The following SIX6 variants were observed in gnomAD, a reference collection of about 807,000 sequenced individuals.
SIX6 encodes SIX homeobox 6, also known as homeobox protein SIX6.
Under a neutral mutation model 23.6 loss-of-function variants are expected in SIX6, and 14 were observed. That is an observed-to-expected ratio of 0.59 (90% confidence interval 0.39 to 0.93). SIX6 has a LOEUF of 0.93. Among genes scored for constraint, SIX6 ranks in the 40% least tolerant of loss-of-function variants. The pLI, the probability that SIX6 is intolerant of heterozygous loss-of-function variation, is 0.00. For missense variants in SIX6, 307 were observed against 325.6 expected (o/e 0.94, Z 0.44); for synonymous variants, 128 against 144.9 (o/e 0.88, Z 0.84).
intron 1 of SIX6, among the ~76,000 whole-genome samples, chr14:60,510,204 G>C (rs573200821): frequency 1.3e-5 from 2 of 152,196 alleles, no homozygotes; most frequent in East Asian, 3.9e-4. Context: ...AGCTGGTCCC[G>C]GTCACCAAAC....
At position 60,511,132 on chromosome 14, in the gene SIX6, G is replaced by A. The variant is rs140916124; in HGVS notation, c.621G>A (p.Ala207=). The change falls in exon 2 of 2, where the codon GCG becomes GCA. Residue 207 remains alanine, a synonymous_variant. Coordinates refer to ENST00000327720, the MANE Select transcript of SIX6 (RefSeq NM_007374.3). The part of the protein sequence containing the change: ...LSQGSGRALR[A]EGDGTPEVLG... ...AGGGTTCCGGGCGGGCACTACGGGCGGAGGGCGACGGCACGCCAGAGGTGC... is the reference window on the plus strand; with the variant it reads ...AGGGTTCCGGGCGGGCACTACGGGCAGAGGGCGACGGCACGCCAGAGGTGC... 19 of 1,612,882 alleles carry A rather than the reference G, an allele frequency of 1.2e-5. No homozygotes were observed. The highest frequency in any genetic ancestry group is 1.4e-5 in the Non-Finnish European group (17 of 1,179,878).
At position 60,511,102 on chromosome 14, in the gene SIX6, G is replaced by C; in HGVS notation, c.591G>C (p.Leu197=). The C allele has an allele frequency of 1.9e-6, 3 of 1,612,862 alleles. No individual in the cohort carries two copies. The South Asian group carries it at 3.3e-5, about 18-fold the overall frequency. ...CCCGTAGACTCCAGCAGCAGGTCCT[G>C]TCACAGGGTTCCGGGCGGGCACTAC... ...AAKNRLQQQV[L]SQGSGRALRA... is the part of the protein sequence containing the mutation. The change falls in exon 2 of 2, where the codon CTG becomes CTC. Residue 197 remains leucine (L), a synonymous_variant. Transcript: ENST00000327720.
At chr14:60,510,940 C>T in intron 1 of SIX6, 144 bp from the exon 2 acceptor site, 1 of 839,588 alleles carries the variant, frequency 1.2e-6, no homozygotes, top group Non-Finnish European at 1.9e-6. Flanking sequence ...CCTCTGTCGC[C>T]TTGCCGAGTA....
In SIX6 at chr14:60,511,348, C is replaced by G. The variant is rs912462443; in HGVS notation, c.*96C>G. ...GAAGATGAGAGACCTGCAAATCCAG[C>G]GCCACAGAAGCCAGGTGACCAGGGA... On this transcript the variant is annotated 3_prime_UTR_variant, in exon 2 of 2. Coordinates refer to ENST00000327720, the MANE Select transcript of SIX6 (RefSeq NM_007374.3). 8.4e-6 allele frequency: 12 copies of G among 1,430,204 alleles called. No individual in the cohort carries two copies. In the Admixed American group the frequency reaches 1.9e-4, roughly 23 times the overall value. The allele number at this position is 1,430,204 out of a possible 1,614,324, so 88.6% of individuals were successfully genotyped here.
In SIX6 at chr14:60,509,169, C is replaced by G. The variant is rs1324165544; in HGVS notation, c.-230C>G. 3 of 566,290 alleles carry G rather than the reference C, an allele frequency of 5.3e-6. No homozygotes were observed. Among genetic ancestry groups the G allele is most frequent in the East Asian group, 6.2e-5 (2 of 32,402 alleles). The allele number at this position is 566,290 out of a possible 1,614,324, so 35.1% of individuals were successfully genotyped here. A position where few individuals can be genotyped will look rare whatever the true frequency, so the allele number is the denominator to read the frequency against. On this transcript the variant is annotated 5_prime_UTR_variant, in exon 1 of 2. Coordinates refer to ENST00000327720, the MANE Select transcript of SIX6 (RefSeq NM_007374.3). ...CCAATAGCGGAGCCAGCTCGCCTGCCGGCGTGCCTGAGCCGAGCCGAGCCC... is the reference window on the plus strand; with the variant it reads ...CCAATAGCGGAGCCAGCTCGCCTGCGGGCGTGCCTGAGCCGAGCCGAGCCC...
At position 60,511,545 on chromosome 14, in the gene SIX6, C is replaced by G; in HGVS notation, c.*293C>G. ...TGCAAAGTCTCCTTCGGAACCCGAA[C>G]TGCAAGCTGAGCGCCTGCCCAGATT... On this transcript the variant is annotated 3_prime_UTR_variant, in exon 2 of 2. Coordinates refer to ENST00000327720, the MANE Select transcript of SIX6 (RefSeq NM_007374.3). 5.4e-6 allele frequency: 3 copies of G among 551,276 alleles called. No individual in the cohort carries two copies. Among genetic ancestry groups the G allele is most frequent in the South Asian group, 2.1e-5 (1 of 48,718 alleles). 34.1% of individuals were successfully genotyped at this position (551,276 alleles called of 1,614,324 possible). A position where few individuals can be genotyped will look rare whatever the true frequency, so the allele number is the denominator to read the frequency against.
chr14:60,509,611 T>C lies in SIX6; in HGVS notation c.213T>C (p.Tyr71=), dbSNP rs1417829882. The C allele has an allele frequency of 6.2e-7, 1 of 1,613,640 alleles. No homozygotes were observed. The highest frequency in any genetic ancestry group is 1.7e-5 in the Admixed American group (1 of 60,028). The part of the protein sequence containing the change: ...AFHGGNYREL[Y]HILENHKFTK... The stretch of plus-strand genomic sequence containing the variant: ...ACGGTGGCAACTACCGCGAGCTCTA[T>C]CATATCCTGGAAAACCACAAGTTCA... The change falls in exon 1 of 2, where the codon TAT becomes TAC. Residue 71 remains tyrosine, a synonymous_variant. Transcript: ENST00000327720.
At chr14:60,510,962 A>G (rs1409175620) in intron 1 of SIX6, 122 bp from the exon 2 acceptor site, 1 of 1,013,158 alleles carries the variant, frequency 9.9e-7, no homozygotes, top group Non-Finnish European at 1.5e-6. Flanking sequence ...TCCTCGCCTT[A>G]ACTGCTGGGG....
chr14:60,511,437 T>C lies in SIX6; in HGVS notation c.*185T>C. Reference sequence around the variant, plus strand: ...GGCCGGCCTGGCTTCACTGGCGCCCTTTGGCCGCGACCACGGGAACCAGCG... The same window carrying C: ...GGCCGGCCTGGCTTCACTGGCGCCCCTTGGCCGCGACCACGGGAACCAGCG... On this transcript the variant is annotated 3_prime_UTR_variant, in exon 2 of 2. Transcript: ENST00000327720. 1 of 692,348 alleles carries C rather than the reference T, an allele frequency of 1.4e-6. No homozygotes were observed. The highest frequency in any genetic ancestry group is 3.8e-4 in the Middle Eastern group (1 of 2,636). The allele number at this position is 692,348 out of a possible 1,614,324, so 42.9% of individuals were successfully genotyped here. A position where few individuals can be genotyped will look rare whatever the true frequency, so the allele number is the denominator to read the frequency against.
rs202029915 is a variant in SIX6, at chr14:60,511,146, C to T, written c.635C>T (p.Thr212Met). 522 of 1,612,874 alleles carry T rather than the reference C, an allele frequency of 3.2e-4. No individual in the cohort carries two copies. Among genetic ancestry groups the T allele is most frequent in the Non-Finnish European group, 4.1e-4 (489 of 1,179,914 alleles). Residue 212 changes from threonine (T) to methionine (M), a missense_variant, in exon 2 of 2, where the codon ACG (threonine) becomes ATG (methionine). Thr to Met is a moderately conservative substitution (Grantham distance 81, BLOSUM62 -1). Coordinates refer to ENST00000327720, the MANE Select transcript of SIX6 (RefSeq NM_007374.3). ...GCACTACGGGCGGAGGGCGACGGCA[C>T]GCCAGAGGTGCTGGGCGTCGCCACC... ...GRALRAEGDG[T>M]PEVLGVATSP...
chr14:60,510,994 G>A, intron 1 of SIX6, 90 bp from the exon 2 acceptor site: 1 of 1,365,046 alleles, frequency 7.3e-7, no homozygotes, highest in Non-Finnish European at 1.0e-6. Flanking sequence ...ACCTCTAGCC[G>A]CCGGGCTGGA....
chr14:60,509,367 TCA>T lies in SIX6; in HGVS notation c.-31_-30del. 1 of 1,586,308 alleles carries T rather than the reference TCA, an allele frequency of 6.3e-7. No individual in the cohort carries two copies. The highest frequency in any genetic ancestry group is 8.6e-7 in the Non-Finnish European group (1 of 1,168,382). On this transcript the variant is annotated 5_prime_UTR_variant, in exon 1 of 2. Coordinates refer to ENST00000327720, the MANE Select transcript of SIX6 (RefSeq NM_007374.3). ...ATCTGCTGCGTGTCCCGCTCCGGGC[TCA>T]GTGCCCTCGCCGCCGCCGGCACTGC...
chr14:60,510,999 G>C, intron 1 of SIX6, 85 bp from the exon 2 acceptor site: 1 of 1,409,350 alleles, frequency 7.1e-7, no homozygotes, highest in Non-Finnish European at 9.8e-7. Context: ...TAGCCGCCGG[G>C]CTGGAGGGAC....
Position 60,509,147 on chromosome 14 carries a change from A to G in SIX6, c.-252A>G, listed in dbSNP as rs935638625. The G allele has an allele frequency of 5.5e-6, 3 of 546,218 alleles. No individual in the cohort carries two copies. Among genetic ancestry groups the G allele is most frequent in the South Asian group, 2.1e-5 (1 of 48,732 alleles). The allele number at this position is 546,218 out of a possible 1,614,324, so 33.8% of individuals were successfully genotyped here. A position where few individuals can be genotyped will look rare whatever the true frequency, so the allele number is the denominator to read the frequency against. ...CCGCGCCGCCAATCCGCCCACCCCAATAGCGGAGCCAGCTCGCCTGCCGGC... is the reference window on the plus strand; with the variant it reads ...CCGCGCCGCCAATCCGCCCACCCCAGTAGCGGAGCCAGCTCGCCTGCCGGC... On this transcript the variant is annotated 5_prime_UTR_variant, in exon 1 of 2. Transcript: ENST00000327720.
At position 60,509,470 on chromosome 14, in the gene SIX6, C is replaced by T. The variant is rs1402413017; in HGVS notation, c.72C>T (p.Ser24=). 3.1e-6 allele frequency: 5 copies of T among 1,600,608 alleles called. No homozygotes were observed. The African/African-American group carries it at 4.0e-5, about 13-fold the overall frequency. Residue 24 remains serine (S), a synonymous_variant, in exon 1 of 2, where the codon AGC becomes AGT. Transcript: ENST00000327720. ...GGGTATGTGAGACCCTGGAAGAGAG[C>T]GGCGATGTGGAGCGCCTGGGTCGCT... ...VAGVCETLEE[S]GDVERLGRFL...
chr14:60,510,045 C>T (rs1893267425), intron 1 of SIX6, 75 bp downstream of exon 1: 1 of 1,333,200 alleles, frequency 7.5e-7, no homozygotes, highest in Non-Finnish European at 1.1e-6. Context: ...GCGCCCTTAC[C>T]CAGTCCCTGG....
Position 60,509,516 on chromosome 14 carries a change from GC to G in SIX6, c.122del (p.Pro41LeufsTer75). The part of the protein sequence containing the change: ...LGRFLWSLPV[A>X]PAACEALNKN... ...TCGCTTCCTCTGGTCGCTGCCCGTG[GC>G]CCCTGCGGCCTGCGAGGCCCTCAAC... On this transcript the variant is annotated frameshift_variant, in exon 1 of 2. Transcript: ENST00000327720. LOFTEE classifies it high-confidence loss of function. 2 of 1,606,298 alleles carry G rather than the reference GC, an allele frequency of 1.2e-6. No individual in the cohort carries two copies. The highest frequency in any genetic ancestry group is 8.5e-7 in the Non-Finnish European group (1 of 1,179,982).
intron 1 of SIX6, among the ~76,000 whole-genome samples, chr14:60,510,268 A>G (rs1893270620): frequency 6.6e-6 from 1 of 152,118 alleles, no homozygotes; most frequent in African/African-American, 2.4e-5. Flanking sequence ...AAAATCCTAC[A>G]AACAGTTAGG....
In SIX6 at chr14:60,511,116, G is replaced by C. The variant is rs1444831808; in HGVS notation, c.605G>C (p.Gly202Ala). 12 of 1,612,782 alleles carry C rather than the reference G, an allele frequency of 7.4e-6. No individual in the cohort carries two copies. Among genetic ancestry groups the C allele is most frequent in the African/African-American group, 1.3e-5 (1 of 74,912 alleles). Residue 202 changes from glycine to alanine, a missense_variant, in exon 2 of 2, where the codon GGG becomes GCG. Gly to Ala is a moderately conservative substitution (Grantham distance 60). Coordinates refer to ENST00000327720, the MANE Select transcript of SIX6 (RefSeq NM_007374.3). ...LQQQVLSQGSGRALRAEGDGT... is the reference protein window; with the variant it reads ...LQQQVLSQGSARALRAEGDGT... ...CAGCAGGTCCTGTCACAGGGTTCCG[G>C]GCGGGCACTACGGGCGGAGGGCGAC...
Sources: allele counts gnomAD v4.1 joint callset (sites outside exome capture counted in the v4.1 genomes callset), GRCh38; gene constraint gnomAD v4.1.1; transcripts MANE v1.5; gene names NCBI Gene and HGNC (gene_info 2026-07-23, HGNC 2026-07-21).